FURIN: variants seen among roughly 807,000 people sequenced by gnomAD.
The protein encoded by FURIN is FES upstream region.
Under a neutral mutation model 89.2 loss-of-function variants are expected in FURIN, and 18 were observed. The observed-to-expected ratio is 0.20, with a 90% CI of 0.14 to 0.30. The LOEUF is 0.30. FURIN is among the 10% of genes least tolerant of loss of function. The pLI, the probability that FURIN is intolerant of heterozygous loss-of-function variation, is 1.00. For missense variants in FURIN, 879 were observed against 1,100.5 expected (o/e 0.80, Z 2.85); for synonymous variants, 508 against 466.4 (o/e 1.09, Z -1.15).
At chr15:90,879,250 A>G (rs971555420) in intron 9 of FURIN, among the ~76,000 whole-genome samples, 194 bp from the exon 10 acceptor site, 21 of 152,212 alleles carry the variant, frequency 1.4e-4, no homozygotes, top group Non-Finnish European at 7.3e-5. Flanking sequence ...TTGGAAAATG[A>G]GGCCCAGGAG....
rs752005307 is a variant in FURIN, at chr15:90,876,417, C to T, written c.277-45C>T. On this transcript the variant is annotated intron_variant, in intron 3 of 15. Coordinates refer to ENST00000268171, the MANE Select transcript of FURIN (RefSeq NM_002569.4). This position sits in a 1 kb window ranked among gnomAD's most constrained non-coding sequence, Gnocchi z 5.0. ...CCCTCCTGCTCTCAGGAGCCCCTCTCGCCTCCTGCTCCACCCACACCATCT... is the reference window on the plus strand; with the variant it reads ...CCCTCCTGCTCTCAGGAGCCCCTCTTGCCTCCTGCTCCACCCACACCATCT... The T allele has an allele frequency of 8.5e-6, 13 of 1,531,784 alleles. No individual in the cohort carries two copies. Among genetic ancestry groups the T allele is most frequent in the Middle Eastern group, 1.7e-4 (1 of 5,924 alleles). The allele number at this position is 1,531,784 out of a possible 1,614,324, so 94.9% of individuals were successfully genotyped here.
intron 1 of FURIN, among the ~76,000 whole-genome samples, chr15:90,870,208 TA>T (rs775025920): frequency 2.0e-5 from 3 of 152,218 alleles, no homozygotes; most frequent in African/African-American, 7.2e-5. Context: ...TTAACTTGTC[TA>T]AGGTGTCCCA....
chr15:90,875,551 C>G (rs1411191762), intron 1 of FURIN, 31 bp from the exon 2 acceptor site: 1 of 527,472 alleles, frequency 1.9e-6, no homozygotes, highest in African/African-American at 2.0e-5. Context: ...AACTGACCCT[C>G]TCTCCCCTTT....
Position 90,879,740 on chromosome 15 carries a change from C to T in FURIN, c.1224C>T (p.Ala408=). 6.2e-7 allele frequency: 1 copy of T among 1,613,854 alleles called. No individual in the cohort carries two copies. The highest frequency in any genetic ancestry group is 1.1e-5 in the South Asian group (1 of 91,084). ...VQTSKPAHLN[A]NDWATNGVGR... is the part of the protein sequence containing the mutation. Reference sequence around the variant, plus strand: ...CCTCGAAGCCAGCCCACCTCAATGCCAACGACTGGGCCACCAATGGTGTGG... The same window carrying T: ...CCTCGAAGCCAGCCCACCTCAATGCTAACGACTGGGCCACCAATGGTGTGG... The change falls in exon 11 of 16, where the codon GCC becomes GCT. Residue 408 remains alanine, a synonymous_variant. Transcript: ENST00000268171.
rs1250345500 is a variant in FURIN, at chr15:90,878,291, G to T, written c.827G>T (p.Arg276Leu). ...CGCCTCGCCGAGGAGGCCTTCTTCC[G>T]TGGGGTTAGCCAGGTGAGGTGGGGA... ...PARLAEEAFF[R>L]GVSQGRGGLG... Residue 276 changes from arginine to leucine, a missense_variant, in exon 8 of 16, where the codon CGT (arginine) becomes CTT (leucine). By Grantham distance (102) the Arg-to-Leu change is moderately radical. Coordinates refer to ENST00000268171, the MANE Select transcript of FURIN (RefSeq NM_002569.4). 2 of 1,598,260 alleles carry T rather than the reference G, an allele frequency of 1.3e-6. No individual in the cohort carries two copies.
intron 7 of FURIN, 30 bp downstream of exon 7, chr15:90,877,645 C>A (rs755584059): frequency 4.1e-6 from 6 of 1,450,106 alleles, no homozygotes; most frequent in Middle Eastern, 1.8e-4. Context: ...ACCCTGTCTT[C>A]AGGAGGGCCC....
intron 1 of FURIN, among the ~76,000 whole-genome samples, chr15:90,870,548 G>A (rs1170753287): frequency 6.6e-6 from 1 of 152,148 alleles, no homozygotes; most frequent in South Asian, 2.1e-4. Flanking sequence ...TTATCTCACA[G>A]GGAGCGAGAA....
chr15:90,877,012 G>A lies in FURIN; in HGVS notation c.489G>A (p.Leu163=). 6.2e-7 allele frequency: 1 copy of A among 1,614,154 alleles called. No homozygotes were observed. Among genetic ancestry groups the A allele is most frequent in the Non-Finnish European group, 8.5e-7 (1 of 1,180,032 alleles). ...DDGIEKNHPD[L]AGNYDPGASF... ...GCATCGAGAAGAACCACCCGGACTT[G>A]GCAGGCAATTATGTGAGGAAGTCGG... is the stretch of plus-strand genomic sequence containing the variant. Residue 163 remains leucine (L), a synonymous_variant, in exon 5 of 16, where the codon TTG becomes TTA. Coordinates refer to ENST00000268171, the MANE Select transcript of FURIN (RefSeq NM_002569.4).
At chr15:90,880,344 C>G (rs940643667) in intron 13 of FURIN, 71 bp downstream of exon 13, 2 of 1,290,622 alleles carry the variant, frequency 1.5e-6, no homozygotes, top group East Asian at 2.4e-5. Flanking sequence ...TGCCTTTGCT[C>G]GCTCACACGG....
chr15:90,871,322 G>A (rs1247218130), intron 1 of FURIN, among the ~76,000 whole-genome samples: 2 of 152,038 alleles, frequency 1.3e-5, no homozygotes, highest in African/African-American at 4.8e-5. Flanking sequence ...GCGAAGAGCC[G>A]AGCCCGGGGG....
At position 90,881,502 on chromosome 15, in the gene FURIN, C is replaced by G; in HGVS notation, c.2009C>G (p.Pro670Arg). Residue 670 changes from proline to arginine, a missense_variant, in exon 16 of 16, where the codon CCT (proline) becomes CGT (arginine). Physicochemically the swap from Pro to Arg is moderately radical, Grantham distance 103. Coordinates refer to ENST00000268171, the MANE Select transcript of FURIN (RefSeq NM_002569.4). This position sits in a 1 kb window ranked among gnomAD's most constrained non-coding sequence, Gnocchi z 4.3. ...LSCPSHASLD[P>R]VEQTCSRQSQ... is the part of the protein sequence containing the mutation. ...TGCCCCAGCCACGCCTCCTTGGACC[C>G]TGTGGAGCAGACTTGCTCCCGGCAA... 6.2e-7 allele frequency: 1 copy of G among 1,612,006 alleles called. No individual in the cohort carries two copies. Among genetic ancestry groups the G allele is most frequent in the Non-Finnish European group, 8.5e-7 (1 of 1,179,730 alleles).
intron 1 of FURIN, among the ~76,000 whole-genome samples, chr15:90,875,101 C>A (rs894948982): frequency 2.1e-5 from 3 of 139,640 alleles, no homozygotes; most frequent in South Asian, 2.2e-4. Flanking sequence ...GTGGCGCGAT[C>A]TTGGCTCACT....
Position 90,882,001 on chromosome 15 carries a change from G to A in FURIN, c.*123G>A. ...CTGGGAGGCAAGAGGGGTGGAGACT[G>A]CTTCCCATCCTACCCTCGGGCCCAC... On this transcript the variant is annotated 3_prime_UTR_variant, in exon 16 of 16. Transcript: ENST00000268171. 1 of 736,992 alleles carries A rather than the reference G, an allele frequency of 1.4e-6. No individual in the cohort carries two copies. Among genetic ancestry groups the A allele is most frequent in the Non-Finnish European group, 2.2e-6 (1 of 445,914 alleles). The allele number at this position is 736,992 out of a possible 1,614,324, so 45.7% of individuals were successfully genotyped here.
Position 90,881,234 on chromosome 15 carries a change from G to A in FURIN, c.1793-52G>A. The A allele has an allele frequency of 3.5e-6, 5 of 1,420,254 alleles. No individual in the cohort carries two copies. Among genetic ancestry groups the A allele is most frequent in the Non-Finnish European group, 4.9e-6 (5 of 1,027,390 alleles). The allele number at this position is 1,420,254 out of a possible 1,614,324, so 88.0% of individuals were successfully genotyped here. Reference sequence around the variant, plus strand: ...TGGCTTGGGGCTGCTGTGGTCCTGGGGCTACAGTCTGTTTAGCTGACACAC... The same window carrying A: ...TGGCTTGGGGCTGCTGTGGTCCTGGAGCTACAGTCTGTTTAGCTGACACAC... On this transcript the variant is annotated intron_variant, in intron 15 of 15. Transcript: ENST00000268171. The surrounding 1 kb of genome is among the most constrained non-coding windows in gnomAD (Gnocchi z 4.3).
In FURIN at chr15:90,876,389, T is replaced by C. The variant is rs74037507; in HGVS notation, c.276+36T>C. On this transcript the variant is annotated intron_variant, in intron 3 of 15. Coordinates refer to ENST00000268171, the MANE Select transcript of FURIN (RefSeq NM_002569.4). The surrounding 1 kb of genome is among the most constrained non-coding windows in gnomAD (Gnocchi z 5.0). ...CCCCAGCCCCCTCCTGCTGCCACCC[T>C]CCCCCTCCTGCTCTCAGGAGCCCCT... 1.9e-3 allele frequency: 2,636 copies of C among 1,413,022 alleles called. 26 individuals carry two copies. The African/African-American group carries it at 0.033, about 18-fold the overall frequency. The allele number at this position is 1,413,022 out of a possible 1,614,324, so 87.5% of individuals were successfully genotyped here. A position where few individuals can be genotyped will look rare whatever the true frequency, so the allele number is the denominator to read the frequency against.
At chr15:90,872,261 C>T (rs1214448949) in intron 1 of FURIN, among the ~76,000 whole-genome samples, 2 of 152,070 alleles carry the variant, frequency 1.3e-5, no homozygotes, top group African/African-American at 2.4e-5. Flanking sequence ...CGCGGCCTGG[C>T]CGAGGCCCCT....
chr15:90,879,370 A>AGG (rs1370755208), intron 9 of FURIN, 74 bp from the exon 10 acceptor site: 5 of 1,085,034 alleles, frequency 4.6e-6, no homozygotes, highest in Non-Finnish European at 7.1e-6. Context: ...CTGTATGCAG[A>AGG]GGGAGGGTAG....
At chr15:90,879,650 C>T in intron 10 of FURIN, 21 bp from the exon 11 acceptor site, 4 of 1,602,382 alleles carry the variant, frequency 2.5e-6, no homozygotes, top group Non-Finnish European at 3.4e-6. Flanking sequence ...GATCCCCAGC[C>T]TCTCCCTTCC....
intron 1 of FURIN, among the ~76,000 whole-genome samples, chr15:90,873,572 C>T (rs1471330544): frequency 2.0e-5 from 3 of 151,988 alleles, no homozygotes; most frequent in Non-Finnish European, 4.4e-5. Context: ...AGAGATGAGG[C>T]CCCGTTCCTA....
Sources: gnomAD v4.1 joint callset for allele counts (sites outside exome capture counted in the v4.1 genomes callset) on GRCh38, gnomAD v4.1.1 for gene constraint, Gnocchi (gnomAD v3.1) non-coding constraint, MANE v1.5 for transcripts, NCBI Gene and HGNC (gene_info 2026-07-23, HGNC 2026-07-21) for gene names.